The following LAMA1 variants were observed in gnomAD, a reference collection of about 807,000 sequenced individuals.
The protein encoded by LAMA1 is laminin subunit alpha 1, also known as laminin subunit alpha-1.
In LAMA1, 219 loss-of-function variants were observed where a neutral mutation model predicts 348.7. The ratio of observed to expected loss-of-function variants is 0.63; its 90% CI spans 0.56 to 0.70. The LOEUF is 0.70. Among genes scored for constraint, LAMA1 ranks in the 30% least tolerant of loss-of-function variants. LAMA1 has a pLI of 0.00. For missense variants in LAMA1, 3,744 were observed against 3,888.0 expected (o/e 0.96, Z 0.99); for synonymous variants, 1,487 against 1,491.0 (o/e 1.00, Z 0.06).
chr18:7,013,388 T>C (rs2057870154), intron 23 of LAMA1, among the ~76,000 whole-genome samples: 1 of 151,992 alleles, frequency 6.6e-6, no homozygotes, highest in Non-Finnish European at 1.5e-5. Flanking sequence ...ACACAAAACT[T>C]ATAATGACAT....
chr18:7,039,046 G>A, intron 10 of LAMA1, 96 bp from the exon 11 acceptor site: 1 of 993,006 alleles, frequency 1.0e-6, no homozygotes, highest in South Asian at 1.3e-5. Flanking sequence ...GTGATCCACA[G>A]AGACAGGTGA....
At position 7,026,007 on chromosome 18, in the gene LAMA1, C is replaced by T. The variant is rs370543207; in HGVS notation, c.2374G>A (p.Ala792Thr). ...RGTPGDCQPC[A>T]CPLTIASNNF... ...TTGGAGGCTATGGTGAGAGGGCAGG[C>T]GCAGGGCTGGCAGTCCCCAGGTGTC... is the stretch of plus-strand genomic sequence containing the variant. Residue 792 changes from alanine (A) to threonine (T), a missense_variant, in exon 17 of 63, where the codon GCC becomes ACC. This residue lies in a region of LAMA1 where 1,529 missense variants were observed against 1,689.4 expected (regional missense o/e 0.91). Transcript: ENST00000389658. The T allele has an allele frequency of 9.3e-6, 15 of 1,608,882 alleles. No homozygotes were observed. The highest frequency in any genetic ancestry group is 6.7e-5 in the East Asian group (3 of 44,746).
At chr18:7,007,019 A>T in intron 29 of LAMA1, 120 bp downstream of exon 29, 9 of 1,374,604 alleles carry the variant, frequency 6.5e-6, no homozygotes, top group Non-Finnish European at 9.1e-6. Flanking sequence ...TATATTTTAT[A>T]TTTAGCTAAA....
chr18:7,050,680 G>A lies in LAMA1; in HGVS notation c.588+14C>T. On this transcript the variant is annotated intron_variant, in intron 4 of 62. Transcript: ENST00000389658. ...TGAGGAAACAGATCTTGCTGCAGCG[G>A]GCACCATACCTACCTCTCCATGCTC... The A allele has an allele frequency of 6.2e-7, 1 of 1,613,192 alleles. No individual in the cohort carries two copies. The highest frequency in any genetic ancestry group is 8.5e-7 in the Non-Finnish European group (1 of 1,180,014).
chr18:6,949,475 TG>T (rs2143972064), intron 58 of LAMA1, among the ~76,000 whole-genome samples: 2 of 152,300 alleles, frequency 1.3e-5, no homozygotes, highest in South Asian at 4.1e-4. Flanking sequence ...TTGCAAAAAC[TG>T]TAACAGTGAA....
chr18:6,996,513 C>T (rs1238601851), intron 33 of LAMA1, among the ~76,000 whole-genome samples: 4 of 152,110 alleles, frequency 2.6e-5, no homozygotes, highest in Admixed American at 2.0e-4. Flanking sequence ...TAGCTCATGC[C>T]TATAATCCCA....
chr18:7,041,031 TTTATGGGATGA>T (rs1164721366), intron 9 of LAMA1, among the ~76,000 whole-genome samples: 6 of 152,176 alleles, frequency 3.9e-5, no homozygotes, highest in Non-Finnish European at 1.5e-5. Flanking sequence ...AAGGGGCTTC[TTTATGGGATGA>T]TGAAAATGTT....
Position 6,998,725 on chromosome 18 carries a change from A to C in LAMA1, c.4663+720T>G, listed in dbSNP as rs142965988. On this transcript the variant is annotated intron_variant, in intron 32 of 62. Coordinates refer to ENST00000389658, the MANE Select transcript of LAMA1 (RefSeq NM_005559.4). ...GCTGGTAGAATAAATCAGAACTGGAAAAAAAGTTTACAAAAGCCCACGACA... is the reference window on the plus strand; with the variant it reads ...GCTGGTAGAATAAATCAGAACTGGACAAAAAGTTTACAAAAGCCCACGACA... Among the ~76,000 whole-genome samples the C allele has an allele frequency of 9.7e-3, 1,481 of 152,292 alleles. 12 individuals carry two copies. The highest frequency in any genetic ancestry group is 0.017 in the Non-Finnish European group (1,162 of 68,026).
intron 61 of LAMA1, among the ~76,000 whole-genome samples, chr18:6,946,894 T>G (rs560369322): frequency 1.3e-5 from 2 of 152,168 alleles, no homozygotes; most frequent in East Asian, 3.8e-4. Context: ...CAGCTTATTC[T>G]CAGATGGTTC....
Position 6,961,721 on chromosome 18 carries a change from A to C in LAMA1, c.7491T>G (p.Ile2497Met). The C allele has an allele frequency of 6.2e-7, 1 of 1,614,136 alleles. No homozygotes were observed. The highest frequency in any genetic ancestry group is 8.5e-7 in the Non-Finnish European group (1 of 1,180,026). Reference protein sequence around the residue: ...RSVSFLKGGYIELPPKSLSPE... With the variant: ...RSVSFLKGGYMELPPKSLSPE... Reference sequence around the variant, plus strand: ...GTGACAAAGATTTGGGTGGCAATTCAATGTAGCCGCCTTTCAGGAAGCTAA... The same window carrying C: ...GTGACAAAGATTTGGGTGGCAATTCCATGTAGCCGCCTTTCAGGAAGCTAA... The change falls in exon 53 of 63, where the codon ATT becomes ATG. Residue 2497 changes from isoleucine to methionine, a missense_variant. By Grantham distance (10) the Ile-to-Met change is conservative. This residue lies in a region of LAMA1 where 1,983 missense variants were observed against 1,934.3 expected (regional missense o/e 1.03). Coordinates refer to ENST00000389658, the MANE Select transcript of LAMA1 (RefSeq NM_005559.4).
At position 6,968,875 on chromosome 18, in the gene LAMA1, A is replaced by C. The variant is rs2057645726; in HGVS notation, c.6900-2578T>G. 3.3e-5 allele frequency among the ~76,000 whole-genome samples: 5 copies of C among 152,222 alleles called. No individual in the cohort carries two copies. In the South Asian group the frequency reaches 1.0e-3, roughly 32 times the overall value. On this transcript the variant is annotated intron_variant, in intron 48 of 62. Coordinates refer to ENST00000389658, the MANE Select transcript of LAMA1 (RefSeq NM_005559.4). Reference sequence around the variant, plus strand: ...AATTTAGAGGACATCGATGGGCTACACTAATGATTTAATAATGGCAAATTA... The same window carrying C: ...AATTTAGAGGACATCGATGGGCTACCCTAATGATTTAATAATGGCAAATTA...
At chr18:6,965,592 C>T (rs1001530254) in intron 49 of LAMA1, 160 bp from the exon 50 acceptor site, 14 of 712,730 alleles carry the variant, frequency 2.0e-5, no homozygotes, top group African/African-American at 7.1e-5. Context: ...AAAATGCCCA[C>T]GAAGGCTTTC....
At chr18:7,030,531 C>T (rs1038222783) in intron 16 of LAMA1, among the ~76,000 whole-genome samples, 65 of 152,210 alleles carry the variant, frequency 4.3e-4, no homozygotes, top group Middle Eastern at 6.8e-3. Context: ...CTGATAACTC[C>T]ACTCTAGTTA....
chr18:7,080,114 A>G (rs1170515572), intron 2 of LAMA1, 27 bp from the exon 3 acceptor site: 131 of 1,587,016 alleles, frequency 8.3e-5, no homozygotes, highest in Non-Finnish European at 1.1e-4. Flanking sequence ...AAAAACATGA[A>G]TTCCTCTCGG....
intron 3 of LAMA1, among the ~76,000 whole-genome samples, chr18:7,070,500 A>G (rs113183255): frequency 8.7e-4 from 132 of 152,308 alleles, no homozygotes; most frequent in African/African-American, 2.8e-3. Flanking sequence ...TTATATTTGA[A>G]TGATATAATA....
Position 7,049,095 on chromosome 18 carries a change from G to A in LAMA1, c.751C>T (p.Pro251Ser), listed in dbSNP as rs1229202812. ...LSHREPKELD[P>S]IVTRRYYYSI... is the part of the protein sequence containing the mutation. ...ATACTCACGCGTCTGGTAACAATAG[G>A]ATCCAGTTCTTTAGGTTCCCGGTGG... Residue 251 changes from proline (P) to serine (S), a missense_variant, in exon 5 of 63, where the codon CCT (proline) becomes TCT (serine). Around this residue, in one of 3 missense-constraint regions of LAMA1, gnomAD observed 1,529 missense variants for 1,689.4 expected, o/e 0.91. Transcript: ENST00000389658. 3 of 1,613,928 alleles carry A rather than the reference G, an allele frequency of 1.9e-6. No homozygotes were observed. Among genetic ancestry groups the A allele is most frequent in the East Asian group, 4.5e-5 (2 of 44,884 alleles).
At chr18:7,012,373 CAG>C (rs1466618326) in intron 23 of LAMA1, among the ~76,000 whole-genome samples, 2 of 151,950 alleles carry the variant, frequency 1.3e-5, no homozygotes, top group Non-Finnish European at 2.9e-5. Context: ...TTGGAAAATA[CAG>C]AGTCCCTGAT....
intron 33 of LAMA1, 122 bp downstream of exon 33, chr18:6,997,620 G>T: frequency 1.9e-6 from 2 of 1,032,788 alleles, no homozygotes; most frequent in East Asian, 2.4e-5. Flanking sequence ...TGCCCGCAGG[G>T]GCTGATGGAA....
At chr18:6,979,760 A>G (rs11081292) in intron 42 of LAMA1, among the ~76,000 whole-genome samples, 53,866 of 145,758 alleles carry the variant, frequency 0.37, 10,626 homozygotes, top group African/African-American at 0.53. Flanking sequence ...TTAGCCGGGG[A>G]CGGTGGCGGG....
Sources: gnomAD v4.1 joint callset for allele counts (sites outside exome capture counted in the v4.1 genomes callset) on GRCh38, gnomAD v4.1.1 for gene constraint, gnomAD v4.1.1 regional missense constraint, MANE v1.5 for transcripts, NCBI Gene and HGNC (gene_info 2026-07-23, HGNC 2026-07-21) for gene names.